MYH3: variants seen among roughly 807,000 people sequenced by gnomAD.
MYH3 encodes myosin heavy chain 3.
In MYH3, 130 loss-of-function variants were observed where a neutral mutation model predicts 238.0. The ratio of observed to expected loss-of-function variants is 0.55; its 90% CI spans 0.47 to 0.63. The LOEUF is 0.63. MYH3 is among the 30% of genes least tolerant of loss of function. The pLI is 0.00. For synonymous variants in MYH3, 880 were observed against 924.1 expected, an observed-to-expected ratio of 0.95 and a Z score of 0.86; for missense variants, 1,853 against 2,374.9, an observed-to-expected ratio of 0.78 and a Z score of 4.57.
the MYH3 span, among the ~76,000 whole-genome samples, chr17:10,664,683 A>G: frequency 6.6e-6 from 1 of 152,192 alleles, no homozygotes; most frequent in Non-Finnish European, 1.5e-5. Context: ...GCTGGCAAAA[A>G]GGAGACGACC....
rs772283689 is a variant in MYH3, at chr17:10,635,509, G to T, written c.4030C>A (p.Leu1344Met). The change falls in exon 30 of 41, where the codon CTG becomes ATG. Residue 1344 changes from leucine (L) to methionine (M), a missense_variant. This residue lies in a region of MYH3 where 1,044 missense variants were observed against 1,192.6 expected (regional missense o/e 0.88). Transcript: ENST00000583535. The part of the protein sequence containing the change: ...LQSSRHDCDL[L>M]REQYEEEQEG... The stretch of plus-strand genomic sequence containing the variant: ...TGCTCCTCCTCATACTGTTCCCGCA[G>T]CAGGTCACAGTCGTGGCGGGAGGAC... The T allele has an allele frequency of 1.2e-6, 2 of 1,614,244 alleles. No individual in the cohort carries two copies. Among genetic ancestry groups the T allele is most frequent in the Non-Finnish European group, 1.7e-6 (2 of 1,180,040 alleles).
upstream of MYH3, among the ~76,000 whole-genome samples, chr17:10,660,043 T>C (rs1488722959): frequency 1.3e-5 from 2 of 152,238 alleles, no homozygotes; most frequent in Non-Finnish European, 2.9e-5. Context: ...CTGAGAGTCC[T>C]ACAGGCCTGG....
At chr17:10,669,848 C>T in the MYH3 span, among the ~76,000 whole-genome samples, 4 of 151,978 alleles carry the variant, frequency 2.6e-5, no homozygotes, top group Non-Finnish European at 4.4e-5. Flanking sequence ...GAATTTGAGG[C>T]TGCAGTGAGC....
intron 36 of MYH3, 111 bp from the exon 37 acceptor site, chr17:10,630,569 G>T: frequency 6.6e-7 from 1 of 1,518,080 alleles, no homozygotes. Context: ...AAAAGGACAG[G>T]CCAGGCGCGG....
intron 4 of MYH3, chr17:10,652,040 T>TAATTTTTTTTATTTTTAGTA: frequency 2.6e-6 from 1 of 387,894 alleles, no homozygotes; most frequent in Non-Finnish European, 4.9e-6. Flanking sequence ...CACACCCAGC[T>TAATTTTTTTTATTTTTAGTA]GCCTTTATTA....
At chr17:10,660,816 A>G (rs1211175027), upstream of MYH3, among the ~76,000 whole-genome samples, 1 of 152,010 alleles carries the variant, frequency 6.6e-6, no homozygotes, top group African/African-American at 2.4e-5. Context: ...CCCTGTCTCT[A>G]CTAAAAAAAA....
At position 10,649,571 on chromosome 17, in the gene MYH3, C is replaced by T; in HGVS notation, c.642+6G>A. The stretch of plus-strand genomic sequence containing the variant: ...AGCAAAGCAAGCCTTCCTCTCCCAT[C>T]TATACCTTCATTTTGGAGTCCTTCT... On this transcript the variant is annotated splice_donor_region_variant and intron_variant, in intron 7 of 40. Transcript: ENST00000583535. 2 of 1,609,304 alleles carry T rather than the reference C, an allele frequency of 1.2e-6. No individual in the cohort carries two copies. The highest frequency in any genetic ancestry group is 1.7e-6 in the Non-Finnish European group (2 of 1,175,514).
chr17:10,633,102 C>T (rs2074181100), intron 33 of MYH3, among the ~76,000 whole-genome samples: 1 of 152,076 alleles, frequency 6.6e-6, no homozygotes, highest in African/African-American at 2.4e-5. Flanking sequence ...ATCCCAGCTA[C>T]TCGGGAGGCT....
chr17:10,670,988 C>T, the MYH3 span, among the ~76,000 whole-genome samples: 1 of 152,126 alleles, frequency 6.6e-6, no homozygotes, highest in South Asian at 2.1e-4. The surrounding 1 kb of genome is among the most constrained non-coding windows in gnomAD (Gnocchi z 7.0). Flanking sequence ...CCCCTGGATT[C>T]AAGTGATTCT....
rs2074197405 is a variant in MYH3 at position 10,634,787 on chromosome 17, G to T, written c.4356+53C>A. ...GATGCATTCTCCTCCTTCCACGGCTGCTAGGAATCCCTTACATCATGGCAT... is the reference window on the plus strand; with the variant it reads ...GATGCATTCTCCTCCTTCCACGGCTTCTAGGAATCCCTTACATCATGGCAT... On this transcript the variant is annotated intron_variant, in intron 31 of 40. Transcript: ENST00000583535. 6.2e-6 allele frequency: 10 copies of T among 1,608,094 alleles called. No homozygotes were observed. The South Asian group carries it at 1.1e-4, about 18-fold the overall frequency.
Position 10,640,001 on chromosome 17 carries a change from G to A in MYH3, c.2677C>T (p.Gln893Ter). 2 of 1,613,360 alleles carry A rather than the reference G, an allele frequency of 1.2e-6. No individual in the cohort carries two copies. The highest frequency in any genetic ancestry group is 1.1e-5 in the South Asian group (1 of 91,036). Residue 893 changes from glutamine (Q) to a stop codon, truncating the protein, a stop_gained, in exon 22 of 41, where the codon CAA (glutamine) becomes TAA (stop). Transcript: ENST00000583535. LOFTEE classifies it high-confidence loss of function. Reference sequence around the variant, plus strand: ...AAAGATTGCTAAACACGTACAGCTTGTACTTGGAGCTGCAGGTCATTCTTC... The same window carrying A: ...AAAGATTGCTAAACACGTACAGCTTATACTTGGAGCTGCAGGTCATTCTTC... Reference protein sequence around the residue: ...QEKNDLQLQVQAESENLLDAE... With the variant: ...QEKNDLQLQV
chr17:10,663,290 A>T, the MYH3 span, among the ~76,000 whole-genome samples: 6,026 of 152,252 alleles, frequency 0.04, 135 homozygotes, highest in South Asian at 0.072. Context: ...GTATGGTACA[A>T]GATCAAAAGT....
the MYH3 span, among the ~76,000 whole-genome samples, chr17:10,669,279 G>A: frequency 6.6e-6 from 1 of 152,168 alleles, no homozygotes; most frequent in Admixed American, 6.5e-5. Flanking sequence ...GAGGCCGGGT[G>A]CGGTGGCTCA....
At chr17:10,630,948 A>C (rs1452013732) in intron 36 of MYH3, among the ~76,000 whole-genome samples, 1 of 152,242 alleles carries the variant, frequency 6.6e-6, no homozygotes, top group Non-Finnish European at 1.5e-5. Flanking sequence ...AGCTACACCC[A>C]GTAGATAAAA....
rs1433404554 is a variant in MYH3 at position 10,628,637 on chromosome 17, C to T, written c.*16G>A. Reference sequence around the variant, plus strand: ...TACATTTTGCATATCTTCTGTCCTGCTCCAGAAGGGCTGGCTCACTCTTCA... The same window carrying T: ...TACATTTTGCATATCTTCTGTCCTGTTCCAGAAGGGCTGGCTCACTCTTCA... On this transcript the variant is annotated 3_prime_UTR_variant, in exon 41 of 41. Transcript: ENST00000583535. The T allele has an allele frequency of 1.9e-6, 3 of 1,613,818 alleles. No homozygotes were observed. The highest frequency in any genetic ancestry group is 2.5e-6 in the Non-Finnish European group (3 of 1,179,802).
chr17:10,648,724 G>C (rs922037813), intron 7 of MYH3, 75 bp from the exon 8 acceptor site: 1 of 1,278,966 alleles, frequency 7.8e-7, no homozygotes, highest in African/African-American at 1.5e-5. Context: ...TGCCCAGGCT[G>C]CAGTGCAATG....
chr17:10,653,271 T>G (rs919901891), intron 3 of MYH3, among the ~76,000 whole-genome samples: 4 of 152,104 alleles, frequency 2.6e-5, no homozygotes. Context: ...TCCTGTCTAC[T>G]GAGAGAAAAT....
At chr17:10,634,423 C>A (rs956952196) in intron 31 of MYH3, among the ~76,000 whole-genome samples, 16 of 152,148 alleles carry the variant, frequency 1.1e-4, no homozygotes, top group Admixed American at 7.9e-4. Context: ...ATTAGCTGGG[C>A]ATAATTGTCC....
chr17:10,650,138 AT>A (rs1425326546), intron 6 of MYH3, among the ~76,000 whole-genome samples: 1 of 151,580 alleles, frequency 6.6e-6, no homozygotes, highest in Admixed American at 6.6e-5. Context: ...CACCCAGCTA[AT>A]TTTTTTGTAT....
Sources: allele counts gnomAD v4.1 joint callset (sites outside exome capture counted in the v4.1 genomes callset), GRCh38; gene constraint gnomAD v4.1.1; regional missense constraint gnomAD v4.1.1; non-coding constraint Gnocchi (gnomAD v3.1); transcripts MANE v1.5; gene names NCBI Gene and HGNC (gene_info 2026-07-23, HGNC 2026-07-21).